Variants in DDAH1 observed in about 807,000 individuals in gnomAD.
The protein encoded by DDAH1 is N(G),N(G)-dimethylarginine dimethylaminohydrolase 1.
DDAH1 carries 19 observed loss-of-function variants against 28.8 expected under a neutral mutation model. The observed-to-expected ratio is 0.66, with a 90% CI of 0.46 to 0.97. The LOEUF is 0.97. Ranked by LOEUF, DDAH1 falls within the 50% of genes least tolerant of loss-of-function variation. The pLI, the probability that DDAH1 is intolerant of heterozygous loss-of-function variation, is 0.00. For synonymous variants in DDAH1, 153 were observed against 154.4 expected (o/e 0.99, Z 0.07); for missense variants, 326 against 375.9 (o/e 0.87, Z 1.10).
intron 1 of DDAH1, among the ~76,000 whole-genome samples, chr1:85,525,432 G>A (rs1243236847): frequency 6.6e-6 from 1 of 152,206 alleles, no homozygotes; most frequent in Non-Finnish European, 1.5e-5. Flanking sequence ...CAAAGGTTCA[G>A]TACATTTAAG....
At chr1:85,345,057 T>C (rs530047634) in intron 4 of DDAH1, among the ~76,000 whole-genome samples, 2 of 152,336 alleles carry the variant, frequency 1.3e-5, no homozygotes, top group Admixed American at 6.5e-5. Context: ...AAGTGTAATA[T>C]ATAAAGTATA....
At chr1:85,404,379 A>G in intron 1 of DDAH1, 1 of 1,535,078 alleles carries the variant, frequency 6.5e-7, no homozygotes, top group Non-Finnish European at 8.7e-7. Flanking sequence ...ATTTGTCCTT[A>G]CCATAGCTGA....
intron 4 of DDAH1, among the ~76,000 whole-genome samples, chr1:85,333,015 G>A (rs1053017411): frequency 3.0e-5 from 4 of 135,482 alleles, no homozygotes; most frequent in Non-Finnish European, 5.0e-5. Context: ...CTGCCTGGAG[G>A]CCCCAAAATC....
chr1:85,433,607 A>C (rs1653805059), intron 1 of DDAH1, among the ~76,000 whole-genome samples: 1 of 152,192 alleles, frequency 6.6e-6, no homozygotes, highest in African/African-American at 2.4e-5. Context: ...TAAATTCTTA[A>C]GCTGGAAAAA....
intron 1 of DDAH1, among the ~76,000 whole-genome samples, chr1:85,425,431 A>G (rs2100622194): frequency 6.6e-6 from 1 of 152,248 alleles, no homozygotes; most frequent in Admixed American, 6.5e-5. Context: ...CGATGGATAA[A>G]TCAGAGCTAG....
chr1:85,554,276 G>GTTTTTTTTTTTT (rs368410411), intron 1 of DDAH1, among the ~76,000 whole-genome samples: 9 of 110,714 alleles, frequency 8.1e-5, no homozygotes, highest in South Asian at 3.6e-4. Flanking sequence ...AATTGTAAGA[G>GTTTTTTTTTTTT]TTTTTTTTTT....
chr1:85,484,988 T>C (rs1225472878), intron 2 of DDAH1, among the ~76,000 whole-genome samples: 1 of 152,230 alleles, frequency 6.6e-6, no homozygotes, highest in South Asian at 2.1e-4. Context: ...TCTTAGTAAC[T>C]AATACAGGTT....
chr1:85,468,891 T>A (rs1266998080), upstream of DDAH1, among the ~76,000 whole-genome samples: 1 of 152,094 alleles, frequency 6.6e-6, no homozygotes, highest in African/African-American at 2.4e-5. Context: ...CAGGAAAGAC[T>A]CGTTACCATG....
At chr1:85,511,356 TA>T (rs1418654986) in intron 1 of DDAH1, among the ~76,000 whole-genome samples, 3 of 152,138 alleles carry the variant, frequency 2.0e-5, no homozygotes, top group Non-Finnish European at 2.9e-5. Context: ...AAGCAGTGTG[TA>T]GAGGGAAATT....
intron 1 of DDAH1, among the ~76,000 whole-genome samples, chr1:85,395,800 T>C (rs1263947275): frequency 6.6e-6 from 1 of 152,194 alleles, no homozygotes; most frequent in African/African-American, 2.4e-5. Context: ...TCAAGTTGGC[T>C]AAAATTAAAA....
At chr1:85,386,692 C>G (rs1326065857) in intron 1 of DDAH1, among the ~76,000 whole-genome samples, 1 of 152,152 alleles carries the variant, frequency 6.6e-6, no homozygotes, top group Non-Finnish European at 1.5e-5. Context: ...AAGCAATACC[C>G]CAGTGGGGAC....
chr1:85,417,095 C>T (rs1187818789), intron 1 of DDAH1, among the ~76,000 whole-genome samples: 1 of 152,106 alleles, frequency 6.6e-6, no homozygotes, highest in Non-Finnish European at 1.5e-5. Flanking sequence ...TGGATGAAAC[C>T]CACCAACTGT....
chr1:85,543,784 G>T (rs1156886314), intron 1 of DDAH1, among the ~76,000 whole-genome samples: 1 of 152,120 alleles, frequency 6.6e-6, no homozygotes, highest in African/African-American at 2.4e-5. Flanking sequence ...GATGAGAAGG[G>T]TTAGTTTCAT....
intron 1 of DDAH1, among the ~76,000 whole-genome samples, chr1:85,509,392 C>T (rs1016779406): frequency 1.3e-5 from 2 of 152,100 alleles, no homozygotes; most frequent in Non-Finnish European, 2.9e-5. Flanking sequence ...TGGGGAAAAA[C>T]CAGAACAGAA....
chr1:85,464,546 G>A lies in DDAH1; in HGVS notation c.303+197C>T. On this transcript the variant is annotated intron_variant, in intron 1 of 5. Coordinates refer to ENST00000284031, the MANE Select transcript of DDAH1 (RefSeq NM_012137.4). The surrounding 1 kb of genome is among the most constrained non-coding windows in gnomAD (Gnocchi z 4.4). ...GAATCGGATCCTCCAGAAGGCTGCCGGCAGCCGGGAGGTGTGAACAATGAA... is the reference window on the plus strand; with the variant it reads ...GAATCGGATCCTCCAGAAGGCTGCCAGCAGCCGGGAGGTGTGAACAATGAA... The A allele has an allele frequency of 6.6e-7, 1 of 1,524,982 alleles. No homozygotes were observed. The highest frequency in any genetic ancestry group is 8.8e-7 in the Non-Finnish European group (1 of 1,140,732). 94.5% of individuals were successfully genotyped at this position (1,524,982 alleles called of 1,614,324 possible).
chr1:85,337,124 G>A (rs762786076), intron 4 of DDAH1, among the ~76,000 whole-genome samples: 3 of 152,114 alleles, frequency 2.0e-5, no homozygotes, highest in Non-Finnish European at 2.9e-5. Context: ...TAGATGGTGT[G>A]TATTCTCTAA....
At chr1:85,570,876 C>CA (rs34641848) in intron 1 of DDAH1, among the ~76,000 whole-genome samples, 4,251 of 136,668 alleles carry the variant, frequency 0.031, 74 homozygotes, top group East Asian at 0.044. Flanking sequence ...GTGGTGGTAA[C>CA]AAAAAAAAAA....
intron 1 of DDAH1, among the ~76,000 whole-genome samples, chr1:85,551,746 C>A (rs1658798339): frequency 6.6e-6 from 1 of 152,174 alleles, no homozygotes; most frequent in Non-Finnish European, 1.5e-5. Flanking sequence ...AAGGCAGTAG[C>A]CTATGCATCG....
At chr1:85,457,358 T>C (rs988223280) in intron 1 of DDAH1, among the ~76,000 whole-genome samples, 2 of 152,126 alleles carry the variant, frequency 1.3e-5, no homozygotes, top group African/African-American at 4.8e-5. Flanking sequence ...GTGAGACACA[T>C]CTTCTTGAGC....
Sources: allele counts gnomAD v4.1 joint callset (sites outside exome capture counted in the v4.1 genomes callset), GRCh38; gene constraint gnomAD v4.1.1; non-coding constraint Gnocchi (gnomAD v3.1); transcripts MANE v1.5; gene names NCBI Gene and HGNC (gene_info 2026-07-23, HGNC 2026-07-21).